The following RASGRF2 variants were observed in gnomAD, a reference collection of about 807,000 sequenced individuals.
The protein encoded by RASGRF2 is Ras protein specific guanine nucleotide releasing factor 2.
In RASGRF2, 76 loss-of-function variants were observed where a neutral mutation model predicts 151.0. The ratio of observed to expected loss-of-function variants is 0.50; its 90% CI spans 0.42 to 0.61. The LOEUF is 0.61. Among genes scored for constraint, RASGRF2 ranks in the 20% least tolerant of loss-of-function variants. The pLI, the probability that RASGRF2 is intolerant of heterozygous loss-of-function variation, is 0.00. For missense variants in RASGRF2, 1,148 were observed against 1,564.6 expected (o/e 0.73, Z 4.49); for synonymous variants, 504 against 566.5 (o/e 0.89, Z 1.57).
intron 13 of RASGRF2, 106 bp from the exon 14 acceptor site, chr5:81,112,504 T>G: frequency 2.3e-5 from 33 of 1,441,300 alleles, no homozygotes; most frequent in Non-Finnish European, 2.9e-5. Flanking sequence ...TCAAATGCAG[T>G]GAGAAGCCCA....
rs150610798 is a variant in RASGRF2, at chr5:81,023,724, T to C, written c.289-19153T>C. 1.6e-3 allele frequency among the ~76,000 whole-genome samples: 246 copies of C among 152,348 alleles called. 1 individual carries two copies. The highest frequency in any genetic ancestry group is 6.8e-3 in the Middle Eastern group (2 of 294). ...GCTGTCTTTTAAAGGCTGCTTTTAA[T>C]TGGGTTCCCAAGCAGCAGCTGCTGT... On this transcript the variant is annotated intron_variant, in intron 1 of 26. Transcript: ENST00000265080.
intron 7 of RASGRF2, 135 bp from the exon 8 acceptor site, chr5:81,085,667 T>C (rs567121222): frequency 1.5e-6 from 2 of 1,372,270 alleles, no homozygotes; most frequent in East Asian, 2.5e-5. Flanking sequence ...TTGTATTTCT[T>C]TTTTAAAAAA....
chr5:81,047,715 G>A (rs944528803), intron 2 of RASGRF2, among the ~76,000 whole-genome samples: 7 of 152,232 alleles, frequency 4.6e-5, no homozygotes, highest in African/African-American at 7.2e-5. Flanking sequence ...CCAACCTGAC[G>A]AGCAGAGAGA....
chr5:81,031,236 A>G lies in RASGRF2; in HGVS notation c.289-11641A>G, dbSNP rs184852259. On this transcript the variant is annotated intron_variant, in intron 1 of 26. Coordinates refer to ENST00000265080, the MANE Select transcript of RASGRF2 (RefSeq NM_006909.3). ...ACACCCCAATGTCAACATTAAACAG[A>G]TCAACGAGACAGAAAGTTAACAAGG... is the stretch of plus-strand genomic sequence containing the variant. Among the ~76,000 whole-genome samples the G allele has an allele frequency of 3.0e-4, 45 of 152,308 alleles. 1 individual carries two copies. The highest frequency in any genetic ancestry group is 2.9e-3 in the Admixed American group (44 of 15,294).
At chr5:81,178,619 G>A (rs1264958559) in intron 17 of RASGRF2, among the ~76,000 whole-genome samples, 1 of 152,174 alleles carries the variant, frequency 6.6e-6, no homozygotes, top group African/African-American at 2.4e-5. Context: ...CTGGATATAG[G>A]GACATGAAGG....
At chr5:81,046,867 T>C (rs554970270) in intron 2 of RASGRF2, among the ~76,000 whole-genome samples, 1 of 152,188 alleles carries the variant, frequency 6.6e-6, no homozygotes, top group East Asian at 1.9e-4. Flanking sequence ...AGTTAGGAGA[T>C]AGTCATGGCC....
chr5:81,064,002 CAAT>C (rs763758372), intron 2 of RASGRF2, among the ~76,000 whole-genome samples: 1 of 152,152 alleles, frequency 6.6e-6, no homozygotes, highest in Non-Finnish European at 1.5e-5. Flanking sequence ...ATTTTTAAAA[CAAT>C]AAACAATTTA....
chr5:80,976,248 T>G (rs1748111045), intron 1 of RASGRF2, among the ~76,000 whole-genome samples: 1 of 152,232 alleles, frequency 6.6e-6, no homozygotes, highest in South Asian at 2.1e-4. Flanking sequence ...TTAATGCTAA[T>G]TTGGGGTTAA....
At chr5:81,096,557 G>A (rs1752552984) in intron 12 of RASGRF2, 2 of 152,188 alleles carry the variant, frequency 1.3e-5, no homozygotes, top group South Asian at 4.1e-4. Flanking sequence ...GGGAGAATAG[G>A]AGTAGGCAAA....
intron 1 of RASGRF2, among the ~76,000 whole-genome samples, chr5:81,001,339 T>A (rs1749073942): frequency 6.6e-6 from 1 of 152,314 alleles, no homozygotes; most frequent in East Asian, 1.9e-4. Context: ...TTAGGCTTCT[T>A]TGCTGTCTGA....
chr5:81,216,379 A>ACG (rs999771110), intron 24 of RASGRF2, among the ~76,000 whole-genome samples: 1 of 146,494 alleles, frequency 6.8e-6, no homozygotes, highest in African/African-American at 2.7e-5. Context: ...GCACACACAC[A>ACG]CACACAAACA....
chr5:81,043,440 A>G (rs1299541770), intron 2 of RASGRF2, among the ~76,000 whole-genome samples: 1 of 152,214 alleles, frequency 6.6e-6, no homozygotes, highest in Non-Finnish European at 1.5e-5. Flanking sequence ...CTACATTTGT[A>G]AACCCTGCTC....
At chr5:81,207,489 A>G (rs929589714) in intron 21 of RASGRF2, 140 bp downstream of exon 21, 16 of 703,994 alleles carry the variant, frequency 2.3e-5, no homozygotes, top group African/African-American at 3.5e-5. Context: ...CATCCATGGA[A>G]CTGGCACGCC....
intron 9 of RASGRF2, among the ~76,000 whole-genome samples, chr5:81,092,450 A>G (rs987047566): frequency 6.6e-6 from 1 of 152,218 alleles, no homozygotes; most frequent in Non-Finnish European, 1.5e-5. Context: ...TGCAATATGT[A>G]TGTTATTATT....
chr5:81,102,422 C>T (rs189210886), intron 12 of RASGRF2, among the ~76,000 whole-genome samples: 122 of 152,270 alleles, frequency 8.0e-4, no homozygotes, highest in African/African-American at 2.7e-3. Context: ...TGGCCAGACA[C>T]GGTGGCTCAT....
At chr5:81,116,991 A>G (rs143784806) in intron 15 of RASGRF2, among the ~76,000 whole-genome samples, 1 of 152,370 alleles carries the variant, frequency 6.6e-6, no homozygotes, top group East Asian at 1.9e-4. Flanking sequence ...ATAACGGTGC[A>G]ATGAATATGG....
chr5:81,016,561 G>A (rs1003808458), intron 1 of RASGRF2, among the ~76,000 whole-genome samples: 1 of 152,158 alleles, frequency 6.6e-6, no homozygotes. Context: ...TGTTTTTCCT[G>A]TTGTGGGAGA....
chr5:81,137,663 G>T (rs372010556), intron 17 of RASGRF2, among the ~76,000 whole-genome samples: 2 of 152,282 alleles, frequency 1.3e-5, no homozygotes, highest in South Asian at 4.1e-4. Flanking sequence ...AGACTAAGGC[G>T]TGACCACGTG....
At chr5:80,970,585 C>G (rs1747900213) in intron 1 of RASGRF2, among the ~76,000 whole-genome samples, 1 of 152,088 alleles carries the variant, frequency 6.6e-6, no homozygotes, top group Non-Finnish European at 1.5e-5. Context: ...CCTCATGATA[C>G]TAACTCAGTG....
Sources: allele counts gnomAD v4.1 joint callset (sites outside exome capture counted in the v4.1 genomes callset), GRCh38; gene constraint gnomAD v4.1.1; transcripts MANE v1.5; gene names NCBI Gene and HGNC (gene_info 2026-07-23, HGNC 2026-07-21).